Variants in SYNE2 observed in about 807,000 individuals in gnomAD.
SYNE2 encodes nesprin-2.
SYNE2 carries 431 observed loss-of-function variants against 856.3 expected under a neutral mutation model. The observed-to-expected ratio is 0.50, with a 90% confidence interval of 0.47 to 0.55. The LOEUF is 0.55. Ranked by LOEUF, SYNE2 falls within the 20% of genes least tolerant of loss-of-function variation. SYNE2 has a pLI of 0.00. For missense variants in SYNE2, 8,129 were observed against 8,023.2 expected, an observed-to-expected ratio of 1.01 and a Z score of -0.50; for synonymous variants, 2,923 against 2,872.3, an observed-to-expected ratio of 1.02 and a Z score of -0.56.
intron 2 of SYNE2, among the ~76,000 whole-genome samples, chr14:63,935,481 C>T (rs1225309324): frequency 6.6e-6 from 1 of 152,162 alleles, no homozygotes; most frequent in Non-Finnish European, 1.5e-5. Flanking sequence ...CTCTTGTCTA[C>T]TTCAAAATTT....
At chr14:63,766,267 A>G (rs1053426896) in intron 1 of SYNE2, among the ~76,000 whole-genome samples, 6 of 151,850 alleles carry the variant, frequency 4.0e-5, no homozygotes, top group African/African-American at 1.5e-4. Flanking sequence ...TTTAGTGGAG[A>G]CAGGGTTTCA....
chr14:64,120,261 T>TA (rs57343267), intron 67 of SYNE2, among the ~76,000 whole-genome samples: 18,689 of 152,040 alleles, frequency 0.12, 1,735 homozygotes, highest in African/African-American at 0.26. Flanking sequence ...TCTCTCTTTT[T>TA]AAAAAAAATG....
intron 1 of SYNE2, among the ~76,000 whole-genome samples, chr14:63,763,171 T>C (rs1886552895): frequency 6.6e-6 from 1 of 152,036 alleles, no homozygotes; most frequent in African/African-American, 2.4e-5. Flanking sequence ...TTTCACCATA[T>C]TGGTCAGGCT....
intron 49 of SYNE2, among the ~76,000 whole-genome samples, chr14:64,056,662 C>G (rs1358348531): frequency 7.8e-6 from 1 of 128,854 alleles, no homozygotes; most frequent in Non-Finnish European, 1.7e-5. Flanking sequence ...ATTTTCCTGA[C>G]TTTTGTTGTA....
At chr14:64,225,297 T>C in intron 115 of SYNE2, 22 bp from the exon 116 acceptor site, 1 of 1,614,026 alleles carries the variant, frequency 6.2e-7, no homozygotes, top group Non-Finnish European at 8.5e-7. Flanking sequence ...CCCAATCAGC[T>C]CTCAACCTCC....
intron 1 of SYNE2, among the ~76,000 whole-genome samples, chr14:63,775,256 T>C (rs899571299): frequency 3.3e-5 from 5 of 152,052 alleles, no homozygotes; most frequent in Non-Finnish European, 7.4e-5. Flanking sequence ...TTTACAGACA[T>C]GAGCCACCAC....
At chr14:63,864,418 A>G (rs183742732) in intron 1 of SYNE2, 2 of 152,322 alleles carry the variant, frequency 1.3e-5, no homozygotes, top group African/African-American at 4.8e-5. Flanking sequence ...CCACAGATTG[A>G]TGATTTGGTT....
chr14:64,047,392 G>A (rs2153570761), intron 45 of SYNE2, among the ~76,000 whole-genome samples: 1 of 152,308 alleles, frequency 6.6e-6, no homozygotes, highest in Non-Finnish European at 1.5e-5. Context: ...GTGGGTATAT[G>A]TAAAATAGGG....
At chr14:63,873,818 T>C (rs2094647256) in intron 1 of SYNE2, 1 of 152,238 alleles carries the variant, frequency 6.6e-6, no homozygotes, top group Admixed American at 6.5e-5. Context: ...GCAAAGGAAG[T>C]AGAAAGTGAA....
intron 1 of SYNE2, among the ~76,000 whole-genome samples, chr14:63,774,634 A>G (rs1887046144): frequency 6.6e-6 from 1 of 151,976 alleles, no homozygotes; most frequent in Non-Finnish European, 1.5e-5. Context: ...TCCCAGGATC[A>G]AGCAATCCTC....
chr14:63,950,213 C>A (rs2096128756), intron 7 of SYNE2, among the ~76,000 whole-genome samples: 1 of 152,176 alleles, frequency 6.6e-6, no homozygotes, highest in Admixed American at 6.5e-5. Context: ...TAAACGAACT[C>A]ATCCCACCTG....
intron 72 of SYNE2, 59 bp from the exon 73 acceptor site, chr14:64,126,539 C>T: frequency 1.9e-6 from 3 of 1,614,098 alleles, no homozygotes; most frequent in Non-Finnish European, 1.7e-6. Context: ...GAGTTAAGCC[C>T]ACGTGGAAGC....
chr14:63,932,543 T>TA (rs34810164), intron 2 of SYNE2, among the ~76,000 whole-genome samples: 13,896 of 151,470 alleles, frequency 0.092, 693 homozygotes, highest in South Asian at 0.17. Flanking sequence ...CCCGCCTCCA[T>TA]AAAAAAATAC....
At position 64,226,340 on chromosome 14, in the gene SYNE2, C is replaced by CGGGGGT. The variant is rs1222385787; in HGVS notation, c.*820_*825dup. 1 of 11,456 alleles carries CGGGGGT rather than the reference C, an allele frequency of 8.7e-5. No homozygotes were observed. Among genetic ancestry groups the CGGGGGT allele is most frequent in the Admixed American group, 1.3e-3 (1 of 776 alleles). The allele number at this position is 11,456 out of a possible 1,614,324, so 0.7% of individuals were successfully genotyped here. On this transcript the variant is annotated 3_prime_UTR_variant, in exon 116 of 116. Coordinates refer to ENST00000555002, the MANE Select transcript of SYNE2 (RefSeq NM_182914.3). ...TTGGGTTTTAACTGTTTGGCCACGG[C>CGGGGGT]GGGGGTGGGGGCGGGGGGTTGGTAC...
At position 63,967,802 on chromosome 14, in the gene SYNE2, G is replaced by C; in HGVS notation, c.1084G>C (p.Asp362His). The C allele has an allele frequency of 6.2e-7, 1 of 1,614,100 alleles. No homozygotes were observed. Among genetic ancestry groups the C allele is most frequent in the Non-Finnish European group, 8.5e-7 (1 of 1,179,950 alleles). ...ACGGGATCTGGATGAGCTGGACAAGGATCATTTACAGTTGAGAGAAGCCTG... is the reference window on the plus strand; with the variant it reads ...ACGGGATCTGGATGAGCTGGACAAGCATCATTTACAGTTGAGAGAAGCCTG... ...IKRDLDELDK[D>H]HLQLREAWDG... Residue 362 changes from aspartate (D) to histidine (H), a missense_variant, in exon 11 of 116, where the codon GAT (aspartate) becomes CAT (histidine). Asp to His is a moderately conservative substitution (Grantham distance 81). This residue lies in a region of SYNE2 where 2,422 missense variants were observed against 2,357.4 expected (regional missense o/e 1.03). Transcript: ENST00000555002.
At chr14:64,183,241 G>C (rs938207530) in intron 96 of SYNE2, among the ~76,000 whole-genome samples, 7 of 150,486 alleles carry the variant, frequency 4.7e-5, no homozygotes, top group Admixed American at 4.0e-4. Context: ...TTCTCAGACG[G>C]GGCGGCCGGG....
intron 1 of SYNE2, among the ~76,000 whole-genome samples, chr14:63,892,086 T>C (rs2140946856): frequency 6.6e-6 from 1 of 152,312 alleles, no homozygotes; most frequent in South Asian, 2.1e-4. Flanking sequence ...TTTAGAGATA[T>C]TTCTTTTAAA....
At chr14:63,983,444 C>T (rs934127919) in intron 17 of SYNE2, among the ~76,000 whole-genome samples, 2 of 152,106 alleles carry the variant, frequency 1.3e-5, no homozygotes, top group African/African-American at 4.8e-5. Context: ...GAAAAACAAG[C>T]ATTGTTTTGC....
intron 1 of SYNE2, among the ~76,000 whole-genome samples, chr14:63,885,613 T>A (rs1040213727): frequency 3.3e-5 from 5 of 152,062 alleles, no homozygotes. Flanking sequence ...TTCGATATAT[T>A]TTTTTTGAGA....
Sources: allele counts gnomAD v4.1 joint callset (sites outside exome capture counted in the v4.1 genomes callset), GRCh38; gene constraint gnomAD v4.1.1; regional missense constraint gnomAD v4.1.1; transcripts MANE v1.5; gene names NCBI Gene and HGNC (gene_info 2026-07-23, HGNC 2026-07-21).